Variants in UBAP2L observed in about 807,000 individuals in gnomAD.
The protein encoded by UBAP2L is ubiquitin associated protein 2 like.
UBAP2L carries 12 observed loss-of-function variants against 130.6 expected under a neutral mutation model. The ratio of observed to expected loss-of-function variants is 0.09; its 90% CI spans 0.06 to 0.15. UBAP2L has a LOEUF of 0.15. Among genes scored for constraint, UBAP2L ranks in the 10% least tolerant of loss-of-function variants. UBAP2L has a pLI of 1.00. For missense variants in UBAP2L, 965 were observed against 1,332.5 expected, an observed-to-expected ratio of 0.72 and a Z score of 4.29; for synonymous variants, 503 against 524.7, an observed-to-expected ratio of 0.96 and a Z score of 0.57.
intron 11 of UBAP2L, among the ~76,000 whole-genome samples, chr1:154,247,079 T>C (rs1306062417): frequency 6.6e-6 from 1 of 152,262 alleles, no homozygotes; most frequent in Non-Finnish European, 1.5e-5. Flanking sequence ...CATTGAGTCC[T>C]GAGAAGTACT....
At chr1:154,252,940 C>T (rs555056848) in intron 14 of UBAP2L, among the ~76,000 whole-genome samples, 8 of 152,182 alleles carry the variant, frequency 5.3e-5, no homozygotes, top group Non-Finnish European at 7.3e-5. Flanking sequence ...TTTTCCTGTG[C>T]TTAGGGTCCA....
chr1:154,229,310 A>G (rs1179719449), intron 4 of UBAP2L, among the ~76,000 whole-genome samples: 1 of 152,054 alleles, frequency 6.6e-6, no homozygotes, highest in Non-Finnish European at 1.5e-5. Context: ...CCTGGAATTT[A>G]GACAAGTCGC....
At chr1:154,244,013 T>G (rs1476880027) in intron 10 of UBAP2L, among the ~76,000 whole-genome samples, 1 of 152,224 alleles carries the variant, frequency 6.6e-6, no homozygotes, top group Non-Finnish European at 1.5e-5. Flanking sequence ...CTGAGCCCAC[T>G]GAGTATAACA....
At position 154,255,189 on chromosome 1, in the gene UBAP2L, C is replaced by T. The variant is rs776913173; in HGVS notation, c.1947C>T (p.Ser649=). Residue 649 remains serine, a synonymous_variant, in exon 17 of 27, where the codon TCC becomes TCT. Transcript: ENST00000428931. ...CTGCAGTGAAATCTGATTCACCTTC[C>T]ACTTCTAGCATCCCCCCTCTCAATG... is the stretch of plus-strand genomic sequence containing the variant. ...TGSAVKSDSP[S]TSSIPPLNET... The T allele has an allele frequency of 1.9e-6, 3 of 1,614,070 alleles. No homozygotes were observed. Among genetic ancestry groups the T allele is most frequent in the Admixed American group, 1.7e-5 (1 of 60,008 alleles).
chr1:154,269,042 C>A (rs1684143824), intron 26 of UBAP2L, 88 bp downstream of exon 26: 5 of 1,468,704 alleles, frequency 3.4e-6, no homozygotes, highest in Admixed American at 1.8e-5. Context: ...TACCCTTCCT[C>A]ACCACCACCT....
chr1:154,224,913 GCCATAGCTCCT>G (rs1558110690), intron 1 of UBAP2L, among the ~76,000 whole-genome samples, 160 bp from the exon 2 acceptor site: 1 of 152,172 alleles, frequency 6.6e-6, no homozygotes, highest in African/African-American at 2.4e-5. Flanking sequence ...TGGATTAACA[GCCATAGCTCCT>G]TAAGGAATTT....
intron 8 of UBAP2L, among the ~76,000 whole-genome samples, chr1:154,240,173 A>G (rs948481259): frequency 6.6e-6 from 1 of 152,110 alleles, no homozygotes; most frequent in East Asian, 1.9e-4. Flanking sequence ...TATTTAATAT[A>G]TATTATTCTA....
At chr1:154,225,237 T>A (rs1667530173) in intron 2 of UBAP2L, 24 bp downstream of exon 2, 1 of 1,612,248 alleles carries the variant, frequency 6.2e-7, no homozygotes, top group African/African-American at 1.3e-5. Context: ...GGCATACGGA[T>A]TCATGGATAG....
At position 154,260,991 on chromosome 1, in the gene UBAP2L, C is replaced by T. The variant is rs1681370986; in HGVS notation, c.2678C>T (p.Thr893Met). The part of the protein sequence containing the change: ...QQNQTQTHHT[T>M]QQTFLNPALP... ...AACCAGACGCAGACTCACCATACCA[C>T]GCAGCAGACATTCCTGAACCCGGCG... Residue 893 changes from threonine to methionine, a missense_variant, in exon 23 of 27, where the codon ACG becomes ATG. Physicochemically the swap from Thr to Met is moderately conservative, Grantham distance 81 (BLOSUM62 -1). Around this residue, in one of 9 missense-constraint regions of UBAP2L, gnomAD observed 194 missense variants for 334.0 expected, o/e 0.58. Transcript: ENST00000428931. The T allele has an allele frequency of 3.7e-6, 6 of 1,614,216 alleles. No individual in the cohort carries two copies. The highest frequency in any genetic ancestry group is 5.1e-6 in the Non-Finnish European group (6 of 1,180,042).
chr1:154,255,163 T>A lies in UBAP2L; in HGVS notation c.1921T>A (p.Ser641Thr). The change falls in exon 17 of 27, where the codon TCT becomes ACT. Residue 641 changes from serine to threonine, a missense_variant. Around this residue, in one of 9 missense-constraint regions of UBAP2L, gnomAD observed 393 missense variants for 408.1 expected, o/e 0.96. Transcript: ENST00000428931. ...TTQSVEGATG[S>T]AVKSDSPSTS... ...TTCTAAATTTCTAGGTGCTACAGGC[T>A]CTGCAGTGAAATCTGATTCACCTTC... The A allele has an allele frequency of 1.2e-6, 2 of 1,614,058 alleles. No homozygotes were observed. The highest frequency in any genetic ancestry group is 1.7e-6 in the Non-Finnish European group (2 of 1,179,940).
intron 12 of UBAP2L, 151 bp from the exon 13 acceptor site, chr1:154,250,890 C>T: frequency 1.6e-6 from 1 of 627,848 alleles, no homozygotes; most frequent in Non-Finnish European, 2.6e-6. Flanking sequence ...TGATTGTCAC[C>T]TATAGAAATG....
intron 4 of UBAP2L, among the ~76,000 whole-genome samples, chr1:154,230,977 A>G (rs1669653354): frequency 6.6e-6 from 1 of 152,198 alleles, no homozygotes; most frequent in South Asian, 2.1e-4. Context: ...AGCTGTTTTG[A>G]GTCTAGCTTC....
chr1:154,220,308 C>A (rs1437076530), upstream of UBAP2L: 8 of 1,612,130 alleles, frequency 5.0e-6, no homozygotes, highest in East Asian at 1.1e-4. Context: ...GGGTAAGATG[C>A]GACAGCAGGA....
chr1:154,228,170 TTTTC>T (rs770833260), intron 3 of UBAP2L, among the ~76,000 whole-genome samples: 4 of 151,778 alleles, frequency 2.6e-5, no homozygotes, highest in East Asian at 1.9e-4. Flanking sequence ...TCTACATCAT[TTTTC>T]TTTCTTTCTT....
At chr1:154,234,263 T>G (rs1424336912) in intron 4 of UBAP2L, among the ~76,000 whole-genome samples, 2 of 152,068 alleles carry the variant, frequency 1.3e-5, no homozygotes, top group South Asian at 2.1e-4. Flanking sequence ...CTTGAGAGAC[T>G]GAGGCACGAG....
chr1:154,246,057 AT>A (rs1675372040), intron 10 of UBAP2L, 146 bp from the exon 11 acceptor site: 1 of 703,528 alleles, frequency 1.4e-6, no homozygotes, highest in Admixed American at 3.5e-5. Flanking sequence ...ATTTTGGGAC[AT>A]TTAAGCATTT....
chr1:154,254,930 T>C (rs756458983), intron 16 of UBAP2L, 40 bp downstream of exon 16: 3 of 1,580,256 alleles, frequency 1.9e-6, no homozygotes, highest in Admixed American at 2.0e-5. Flanking sequence ...AAGTTTCTGG[T>C]TTTCTATCTT....
At chr1:154,220,356 C>T, upstream of UBAP2L, 1 of 1,614,230 alleles carries the variant, frequency 6.2e-7, no homozygotes, top group Non-Finnish European at 8.5e-7. Context: ...CTCCCGTAGG[C>T]CATCACCAGC....
chr1:154,221,058 T>C, intron 1 of UBAP2L, 83 bp downstream of exon 1: 1 of 187,426 alleles, frequency 5.3e-6, no homozygotes, highest in Non-Finnish European at 1.1e-5. Context: ...CCGCGGCCCC[T>C]TTAAATCCGC....
Sources: allele counts gnomAD v4.1 joint callset (sites outside exome capture counted in the v4.1 genomes callset), GRCh38; gene constraint gnomAD v4.1.1; regional missense constraint gnomAD v4.1.1; transcripts MANE v1.5; gene names NCBI Gene and HGNC (gene_info 2026-07-23, HGNC 2026-07-21).